The following SRPK2 variants were observed in gnomAD, a reference collection of about 807,000 sequenced individuals.
SRPK2 encodes the protein SFRS protein kinase 2.
In SRPK2, 21 loss-of-function variants were observed where a neutral mutation model predicts 90.8. That is an observed-to-expected ratio of 0.23 (90% CI 0.16 to 0.33). SRPK2 has a LOEUF of 0.33. SRPK2 is among the 10% of genes least tolerant of loss of function. The probability of loss-of-function intolerance (pLI) is 1.00; values close to 1 mark genes in which losing one functional copy is unlikely to be tolerated. For missense variants in SRPK2, 620 were observed against 869.0 expected (o/e 0.71, Z 3.60); for synonymous variants, 288 against 311.1 (o/e 0.93, Z 0.78).
intron 3 of SRPK2, among the ~76,000 whole-genome samples, chr7:105,202,627 G>C (rs1455503665): frequency 6.6e-6 from 1 of 152,080 alleles, no homozygotes; most frequent in Non-Finnish European, 1.5e-5. Flanking sequence ...TTTAACTCTT[G>C]GTCTTTACAA....
intron 2 of SRPK2, among the ~76,000 whole-genome samples, chr7:105,262,386 C>T (rs1161964797): frequency 6.6e-6 from 1 of 152,124 alleles, no homozygotes; most frequent in Non-Finnish European, 1.5e-5. Flanking sequence ...AGGTGGCCTA[C>T]CTACCTCAAG....
At chr7:105,370,616 CTTTTTTTTT>C (rs199888481) in intron 2 of SRPK2, among the ~76,000 whole-genome samples, 3 of 129,972 alleles carry the variant, frequency 2.3e-5, no homozygotes, top group East Asian at 2.2e-4. Context: ...TTTTTTCTTT[CTTTTTTTTT>C]TTTTTTTTGA....
intron 2 of SRPK2, among the ~76,000 whole-genome samples, chr7:105,378,306 A>C (rs1219200590): frequency 6.6e-6 from 1 of 152,188 alleles, no homozygotes; most frequent in Non-Finnish European, 1.5e-5. Context: ...TTAGAAAGAT[A>C]CATAACTTAT....
At chr7:105,116,272 C>T (rs1348457737), downstream of SRPK2, 1 of 152,158 alleles carries the variant, frequency 6.6e-6, no homozygotes, top group East Asian at 1.9e-4. Context: ...TCTACAACTA[C>T]ATCTGCTGCA....
intron 3 of SRPK2, among the ~76,000 whole-genome samples, chr7:105,183,405 G>T (rs1055878160): frequency 3.9e-5 from 6 of 152,182 alleles, no homozygotes; most frequent in African/African-American, 1.4e-4. Flanking sequence ...TGCACTTGGG[G>T]ATCAGCAGGA....
chr7:105,199,896 TAAA>T (rs67036595), intron 3 of SRPK2, among the ~76,000 whole-genome samples: 256 of 137,992 alleles, frequency 1.9e-3, no homozygotes, highest in Middle Eastern at 3.7e-3. Flanking sequence ...TTGTTTAATT[TAAA>T]AAAAAAAAAA....
intron 7 of SRPK2, among the ~76,000 whole-genome samples, chr7:105,149,168 C>A (rs1805145563): frequency 6.6e-6 from 1 of 152,102 alleles, no homozygotes; most frequent in African/African-American, 2.4e-5. Flanking sequence ...CTCCTGCCTG[C>A]CCCTGGGAAC....
chr7:105,340,971 G>C (rs1436150013), intron 2 of SRPK2, among the ~76,000 whole-genome samples: 1 of 152,136 alleles, frequency 6.6e-6, no homozygotes, highest in Non-Finnish European at 1.5e-5. Flanking sequence ...GCATACCTCA[G>C]TCAGCCAGTA....
At chr7:105,216,937 G>A (rs1420249385) in intron 2 of SRPK2, among the ~76,000 whole-genome samples, 1 of 152,156 alleles carries the variant, frequency 6.6e-6, no homozygotes, top group South Asian at 2.1e-4. Flanking sequence ...TAAATCCCCT[G>A]CCATGGTAAC....
At chr7:105,285,385 CAAAAAAA>C (rs58399129) in intron 2 of SRPK2, among the ~76,000 whole-genome samples, 22,245 of 106,244 alleles carry the variant, frequency 0.21, 2,086 homozygotes, top group East Asian at 0.6. Context: ...ACCCCGTCTC[CAAAAAAA>C]AAAAAAAAAA....
intron 2 of SRPK2, among the ~76,000 whole-genome samples, 159 bp downstream of exon 2, chr7:105,388,489 C>A (rs539571030): frequency 2.7e-3 from 405 of 147,754 alleles, no homozygotes; most frequent in African/African-American, 9.4e-3. Flanking sequence ...GCCGCCCCTC[C>A]CCCCGGGCCG....
chr7:105,369,236 T>C (rs572926413), intron 2 of SRPK2, among the ~76,000 whole-genome samples: 1 of 151,974 alleles, frequency 6.6e-6, no homozygotes, highest in Non-Finnish European at 1.5e-5. Flanking sequence ...CACCTCCACC[T>C]GCTGGGTTCA....
chr7:105,197,719 G>A (rs1173981082), intron 3 of SRPK2, among the ~76,000 whole-genome samples: 2 of 152,114 alleles, frequency 1.3e-5, no homozygotes, highest in African/African-American at 2.4e-5. Context: ...GGGATGCGGG[G>A]GACAATACCG....
chr7:105,388,282 G>A (rs990905203), intron 2 of SRPK2, among the ~76,000 whole-genome samples: 18 of 151,792 alleles, frequency 1.2e-4, no homozygotes, highest in Non-Finnish European at 2.1e-4. Flanking sequence ...CCCAGCGGCA[G>A]ACGCCGGGGC....
chr7:105,341,245 T>C (rs912181237), intron 2 of SRPK2, among the ~76,000 whole-genome samples: 2 of 150,116 alleles, frequency 1.3e-5, no homozygotes, highest in African/African-American at 4.9e-5. Flanking sequence ...AGGCCTATAA[T>C]CCCAGCTACT....
Position 105,124,373 on chromosome 7 carries a change from GGCT to G in SRPK2, c.1915+1872_1915+1874del, listed in dbSNP as rs879739063. Among the ~76,000 whole-genome samples, 1,106 of 152,292 alleles carry G rather than the reference GGCT, an allele frequency of 7.3e-3. 7 individuals are homozygous for G. The highest frequency in any genetic ancestry group is 0.024 in the Middle Eastern group (7 of 294). On this transcript the variant is annotated intron_variant, in intron 15 of 15. Coordinates refer to ENST00000393651, the MANE Select transcript of SRPK2 (RefSeq NM_182692.3). ...AAATAAATGCACAGCCAGGCGCAGTGGCTCACACCTGTAATCCCAGCAATTGGG... is the reference window on the plus strand; with the variant it reads ...AAATAAATGCACAGCCAGGCGCAGTGCACACCTGTAATCCCAGCAATTGGG...
intron 2 of SRPK2, among the ~76,000 whole-genome samples, chr7:105,354,118 G>A (rs1032245011): frequency 1.3e-5 from 2 of 152,192 alleles, no homozygotes; most frequent in Non-Finnish European, 2.9e-5. Flanking sequence ...TGTGGAGCAA[G>A]AATGTGCCAA....
chr7:105,119,119 G>A (rs906149183), intron 15 of SRPK2, among the ~76,000 whole-genome samples: 8 of 151,862 alleles, frequency 5.3e-5, no homozygotes, highest in Non-Finnish European at 8.8e-5. Context: ...GCCAGGTCTC[G>A]GTGGGGGGAG....
intron 7 of SRPK2, among the ~76,000 whole-genome samples, chr7:105,152,515 G>A (rs1805847715): frequency 6.6e-6 from 1 of 152,024 alleles, no homozygotes; most frequent in Non-Finnish European, 1.5e-5. Context: ...GAAGTTTTAA[G>A]TAATAATGCA....
Sources: allele counts gnomAD v4.1 joint callset (sites outside exome capture counted in the v4.1 genomes callset), GRCh38; gene constraint gnomAD v4.1.1; transcripts MANE v1.5; gene names NCBI Gene and HGNC (gene_info 2026-07-23, HGNC 2026-07-21).